RYR1: variants seen among roughly 807,000 people sequenced by gnomAD.
The protein encoded by RYR1 is ryanodine receptor 1, also known as central core disease of muscle.
In RYR1, 342 loss-of-function variants were observed where a neutral mutation model predicts 583.5. The observed-to-expected ratio is 0.59, with a 90% CI of 0.54 to 0.64. RYR1 has a LOEUF of 0.64. Ranked by LOEUF, RYR1 falls within the 30% of genes least tolerant of loss-of-function variation. The probability of loss-of-function intolerance (pLI) is 0.00; values close to 1 mark genes in which losing one functional copy is unlikely to be tolerated. For synonymous variants in RYR1, 2,791 were observed against 2,822.5 expected, an observed-to-expected ratio of 0.99 and a Z score of 0.35; for missense variants, 6,032 against 6,917.2, an observed-to-expected ratio of 0.87 and a Z score of 4.54.
intron 12 of RYR1, among the ~76,000 whole-genome samples, chr19:38,452,336 G>T (rs1967119545): frequency 6.6e-6 from 1 of 152,064 alleles, no homozygotes; most frequent in African/African-American, 2.4e-5. Flanking sequence ...AGCTGCATGG[G>T]AAGCTGAGGA....
Position 38,500,717 on chromosome 19 carries a change from C to G in RYR1, c.7435C>G (p.Leu2479Val). The change falls in exon 46 of 106, where the codon CTG becomes GTG. Residue 2479 changes from leucine to valine, a missense_variant. Leu to Val is a conservative substitution (Grantham distance 32). This residue lies in a region of RYR1 where 2,627 missense variants were observed against 2,961.3 expected (regional missense o/e 0.89). Coordinates refer to ENST00000359596, the MANE Select transcript of RYR1 (RefSeq NM_000540.3). This position sits in a 1 kb window ranked among gnomAD's most constrained non-coding sequence, Gnocchi z 5.9. ...IISLPLQIPT[L>V]GKDGALVQPK... ...CAGCCTCCCACTGCAGATTCCCACC[C>G]TGGGCAAAGGTGCAGAGGGGATGGA... 4.3e-6 allele frequency: 7 copies of G among 1,614,112 alleles called. No individual in the cohort carries two copies. Among genetic ancestry groups the G allele is most frequent in the Non-Finnish European group, 5.9e-6 (7 of 1,180,012 alleles).
At chr19:38,502,393 G>C in intron 47 of RYR1, 114 bp from the exon 48 acceptor site, 1 of 985,904 alleles carries the variant, frequency 1.0e-6, no homozygotes, top group South Asian at 1.4e-5. Flanking sequence ...GGGAGGAGCA[G>C]GTTTTGGGGG....
At chr19:38,511,760 G>A (rs1048687053) in intron 61 of RYR1, 150 bp downstream of exon 61, 5 of 1,001,144 alleles carry the variant, frequency 5.0e-6, no homozygotes, top group Non-Finnish European at 7.8e-6. Context: ...CGGGGGGTAG[G>A]GCAGTGACTG....
intron 11 of RYR1, 121 bp downstream of exon 11, chr19:38,448,934 A>G (rs908412223): frequency 3.0e-6 from 3 of 992,592 alleles, no homozygotes; most frequent in South Asian, 1.4e-5. Flanking sequence ...ACAGAGTGAG[A>G]TGGGGTGCAG....
Position 38,543,291 on chromosome 19 carries a change from G to T in RYR1, c.11690-56G>T. The T allele has an allele frequency of 6.8e-7, 1 of 1,465,558 alleles. No individual in the cohort carries two copies. The highest frequency in any genetic ancestry group is 9.6e-7 in the Non-Finnish European group (1 of 1,044,486). The allele number at this position is 1,465,558 out of a possible 1,614,324, so 90.8% of individuals were successfully genotyped here. A position where few individuals can be genotyped will look rare whatever the true frequency, so the allele number is the denominator to read the frequency against. ...TGCATAAATGAATAAATGACCCACT[G>T]TTCATCTCCCCTAGCACATGGGAGG... is the stretch of plus-strand genomic sequence containing the variant. On this transcript the variant is annotated intron_variant, in intron 84 of 105. Coordinates refer to ENST00000359596, the MANE Select transcript of RYR1 (RefSeq NM_000540.3). This position sits in a 1 kb window ranked among gnomAD's most constrained non-coding sequence, Gnocchi z 4.4.
intron 63 of RYR1, among the ~76,000 whole-genome samples, chr19:38,514,788 G>A (rs1208268909): frequency 6.6e-6 from 1 of 152,032 alleles, no homozygotes. Context: ...TAACTCATTT[G>A]ATACTCACGA....
chr19:38,435,332 G>C (rs1972378543), intron 1 of RYR1, among the ~76,000 whole-genome samples: 1 of 152,196 alleles, frequency 6.6e-6, no homozygotes, highest in Non-Finnish European at 1.5e-5. Context: ...GCCCAGACTT[G>C]CCAAAGTAGT....
intron 58 of RYR1, among the ~76,000 whole-genome samples, chr19:38,509,450 A>AT (rs534650223): frequency 0.01 from 1,095 of 104,356 alleles, 14 homozygotes; most frequent in East Asian, 0.035. Context: ...TATTATTATT[A>AT]TTTTTTTTTT....
intron 35 of RYR1, 96 bp downstream of exon 35, chr19:38,489,539 G>A: frequency 7.1e-7 from 1 of 1,405,102 alleles, no homozygotes; most frequent in Non-Finnish European, 1.0e-6. Context: ...CTCAGGCAGT[G>A]GGGAGCTGTG....
Position 38,460,553 on chromosome 19 carries a change from C to A in RYR1, c.2539C>A (p.His847Asn). The A allele has an allele frequency of 8.7e-6, 14 of 1,613,766 alleles. No individual in the cohort carries two copies. The highest frequency in any genetic ancestry group is 1.2e-5 in the Non-Finnish European group (14 of 1,180,042). The change falls in exon 20 of 106, where the codon CAC becomes AAC. Residue 847 changes from histidine (H) to asparagine (N), a missense_variant. His to Asn is a moderately conservative substitution (Grantham distance 68). This residue lies in a region of RYR1 where 2,627 missense variants were observed against 2,961.3 expected (regional missense o/e 0.89). Coordinates refer to ENST00000359596, the MANE Select transcript of RYR1 (RefSeq NM_000540.3). The part of the protein sequence containing the change: ...HLVGPSRCLS[H>N]TDFVPCPVDT... ...GGTGGGCCCCAGTCGCTGCCTCTCACACACCGACTTCGTGCCCTGCCCTGT... is the reference window on the plus strand; with the variant it reads ...GGTGGGCCCCAGTCGCTGCCTCTCAAACACCGACTTCGTGCCCTGCCCTGT...
At chr19:38,516,654 C>T (rs911568769) in intron 65 of RYR1, among the ~76,000 whole-genome samples, 1 of 152,040 alleles carries the variant, frequency 6.6e-6, no homozygotes, top group Admixed American at 6.5e-5. Flanking sequence ...AGGGCATCAT[C>T]AAGCTTGGAG....
intron 34 of RYR1, among the ~76,000 whole-genome samples, chr19:38,486,922 A>G (rs1969326711): frequency 6.6e-6 from 1 of 151,854 alleles, no homozygotes; most frequent in South Asian, 2.1e-4. Context: ...TTTGTTCTCC[A>G]CCCACTCCAT....
chr19:38,449,128 G>T (rs1966945909), intron 11 of RYR1, among the ~76,000 whole-genome samples: 1 of 152,098 alleles, frequency 6.6e-6, no homozygotes, highest in Non-Finnish European at 1.5e-5. Context: ...AGATAAAGAG[G>T]CATGGAAACA....
At chr19:38,441,672 G>A (rs1009600940) in intron 2 of RYR1, among the ~76,000 whole-genome samples, 3 of 151,358 alleles carry the variant, frequency 2.0e-5, no homozygotes, top group African/African-American at 7.3e-5. Flanking sequence ...AAGGAGCCTG[G>A]GGTCTGAAAG....
intron 31 of RYR1, among the ~76,000 whole-genome samples, chr19:38,481,715 G>T (rs1219929486): frequency 6.6e-6 from 1 of 152,182 alleles, no homozygotes; most frequent in Non-Finnish European, 1.5e-5. Flanking sequence ...GAGTCTGGGA[G>T]GCAGAGGTTG....
chr19:38,583,503 G>A (rs934104087), intron 101 of RYR1, among the ~76,000 whole-genome samples: 1 of 149,994 alleles, frequency 6.7e-6, no homozygotes, highest in African/African-American at 2.5e-5. Flanking sequence ...CATATGTAAA[G>A]TTGTTCCCAA....
chr19:38,530,082 C>A (rs942901936), intron 76 of RYR1, among the ~76,000 whole-genome samples: 5 of 151,814 alleles, frequency 3.3e-5, no homozygotes, highest in Admixed American at 1.3e-4. Flanking sequence ...CAGGTTCAAG[C>A]AAGTGGGATT....
At chr19:38,440,709 A>AG (rs1320025441) in intron 1 of RYR1, 36 bp from the exon 2 acceptor site, 33 of 1,601,910 alleles carry the variant, frequency 2.1e-5, no homozygotes, top group Non-Finnish European at 2.6e-5. Context: ...TATCCGGGCC[A>AG]GGCCCCCCTG....
intron 16 of RYR1, among the ~76,000 whole-genome samples, chr19:38,456,493 T>G (rs1041422631): frequency 1.1e-4 from 17 of 151,256 alleles, no homozygotes; most frequent in Non-Finnish European, 1.6e-4. Context: ...TGTTGGCCAG[T>G]CTGGTCTCGA....
Sources: allele counts gnomAD v4.1 joint callset (sites outside exome capture counted in the v4.1 genomes callset), GRCh38; gene constraint gnomAD v4.1.1; regional missense constraint gnomAD v4.1.1; non-coding constraint Gnocchi (gnomAD v3.1); transcripts MANE v1.5; gene names NCBI Gene and HGNC (gene_info 2026-07-23, HGNC 2026-07-21).